The following RASSF5 variants were observed in gnomAD, a reference collection of about 807,000 sequenced individuals.
The protein encoded by RASSF5 is ras association domain-containing protein 5.
Under a neutral mutation model 40.5 loss-of-function variants are expected in RASSF5, and 25 were observed. The observed-to-expected ratio is 0.62, with a 90% confidence interval of 0.45 to 0.86. The LOEUF (loss-of-function observed/expected upper bound fraction) is 0.86, where lower values mean the gene tolerates loss of function less well. Among genes scored for constraint, RASSF5 ranks in the 40% least tolerant of loss-of-function variants. The pLI is 0.00. For synonymous variants in RASSF5, 246 were observed against 252.4 expected (o/e 0.97, Z 0.24); for missense variants, 521 against 572.8 (o/e 0.91, Z 0.92).
rs1572292231 is a variant in RASSF5 at position 206,518,202 on chromosome 1, T to G, written c.457+10143T>G. On this transcript the variant is annotated intron_variant, in intron 1 of 5. Transcript: ENST00000579436. ...ATAGAAAGTTTTCCACTGGGGGAGG[T>G]GGAGGGGAAAGGACCTCAGTGCGGA... Among the ~76,000 whole-genome samples, 4 of 151,400 alleles carry G rather than the reference T, an allele frequency of 2.6e-5. No individual in the cohort carries two copies. In the East Asian group the frequency reaches 7.8e-4, roughly 29 times the overall value.
At chr1:206,564,752 G>A (rs1553403141) in intron 2 of RASSF5, among the ~76,000 whole-genome samples, 1 of 152,188 alleles carries the variant, frequency 6.6e-6, no homozygotes, top group African/African-American at 2.4e-5. Flanking sequence ...CTACCTCAAA[G>A]AGCATGGGGT....
chr1:206,514,701 G>T (rs986793051), intron 1 of RASSF5, among the ~76,000 whole-genome samples: 1 of 152,202 alleles, frequency 6.6e-6, no homozygotes, highest in Non-Finnish European at 1.5e-5. Flanking sequence ...AAAAAGAAGA[G>T]TGATGTTCTT....
chr1:206,525,330 C>G (rs1220313740), intron 1 of RASSF5, among the ~76,000 whole-genome samples: 2 of 152,200 alleles, frequency 1.3e-5, no homozygotes, highest in African/African-American at 4.8e-5. Flanking sequence ...GCACAGGGGA[C>G]ACATCCAGCC....
Position 206,584,771 on chromosome 1 carries a change from G to A in RASSF5, c.988+87G>A. On this transcript the variant is annotated intron_variant, in intron 4 of 5. Transcript: ENST00000579436. The surrounding 1 kb of genome is among the most constrained non-coding windows in gnomAD (Gnocchi z 4.9). The stretch of plus-strand genomic sequence containing the variant: ...CTAAAACTCCTGCCGGCCTTGGGTG[G>A]GAGCTGTGGGCTTCTCCTGAGCACC... 2 of 1,429,060 alleles carry A rather than the reference G, an allele frequency of 1.4e-6. No individual in the cohort carries two copies. Among genetic ancestry groups the A allele is most frequent in the Non-Finnish European group, 1.9e-6 (2 of 1,037,934 alleles). The allele number at this position is 1,429,060 out of a possible 1,614,324, so 88.5% of individuals were successfully genotyped here.
chr1:206,527,826 T>C (rs1157008997), intron 1 of RASSF5, among the ~76,000 whole-genome samples: 2 of 151,860 alleles, frequency 1.3e-5, no homozygotes, highest in East Asian at 3.9e-4. Flanking sequence ...CAGTGCAGAG[T>C]AGGGACCAGG....
At chr1:206,532,765 C>G (rs1431560866) in intron 1 of RASSF5, among the ~76,000 whole-genome samples, 1 of 152,156 alleles carries the variant, frequency 6.6e-6, no homozygotes, top group Admixed American at 6.5e-5. Flanking sequence ...CCCGCCTGGC[C>G]CTTACCCACA....
At chr1:206,586,065 C>T (rs530752502) in intron 5 of RASSF5, 1 of 152,380 alleles carries the variant, frequency 6.6e-6, no homozygotes, top group South Asian at 2.1e-4. Context: ...GAGACCTGGG[C>T]TCTAGTTCCA....
chr1:206,520,128 C>T (rs1340903175), intron 1 of RASSF5, among the ~76,000 whole-genome samples: 3 of 152,160 alleles, frequency 2.0e-5, no homozygotes, highest in Non-Finnish European at 4.4e-5. Context: ...GGGCACATAC[C>T]GCACTGTGGC....
In RASSF5 at chr1:206,586,944, A is replaced by C. The variant is rs372832789; in HGVS notation, c.1223A>C (p.Glu408Ala). Reference sequence around the variant, plus strand: ...GACAAGTTTAGGCAGAAACTGGAGGAGGCCTTAAGAGAATCCCAGGGCAAA... The same window carrying C: ...GACAAGTTTAGGCAGAAACTGGAGGCGGCCTTAAGAGAATCCCAGGGCAAA... ...KYDKFRQKLE[E>A]ALRESQGKPG The change falls in exon 6 of 6, where the codon GAG becomes GCG. Residue 408 changes from glutamate to alanine, a missense_variant. By Grantham distance (107) the Glu-to-Ala change is moderately radical. This residue lies in a region of RASSF5 where 284 missense variants were observed against 360.8 expected (regional missense o/e 0.79). Coordinates refer to ENST00000579436, the MANE Select transcript of RASSF5 (RefSeq NM_182663.4). 1 of 1,614,232 alleles carries C rather than the reference A, an allele frequency of 6.2e-7. No individual in the cohort carries two copies. The highest frequency in any genetic ancestry group is 8.5e-7 in the Non-Finnish European group (1 of 1,180,014).
In RASSF5 at chr1:206,507,909, G is replaced by T; in HGVS notation, c.307G>T (p.Val103Leu). The T allele has an allele frequency of 1.3e-6, 2 of 1,509,968 alleles. No homozygotes were observed. The highest frequency in any genetic ancestry group is 1.8e-6 in the Non-Finnish European group (2 of 1,136,846). 93.5% of individuals were successfully genotyped at this position (1,509,968 alleles called of 1,614,324 possible). Residue 103 changes from valine (V) to leucine (L), a missense_variant, in exon 1 of 6, where the codon GTG becomes TTG. Physicochemically the swap from Val to Leu is conservative, Grantham distance 32. Around this residue, in one of 2 missense-constraint regions of RASSF5, gnomAD observed 237 missense variants for 212.0 expected, o/e 1.12. Coordinates refer to ENST00000579436, the MANE Select transcript of RASSF5 (RefSeq NM_182663.4). ...RRPGAPRPRD[V>L]RSIFEQPQDP... Reference sequence around the variant, plus strand: ...GCCTGGAGCGCCCCGACCCCGCGACGTGCGGAGCATCTTCGAGCAGCCGCA... The same window carrying T: ...GCCTGGAGCGCCCCGACCCCGCGACTTGCGGAGCATCTTCGAGCAGCCGCA...
At chr1:206,532,456 A>C (rs1214713181) in intron 1 of RASSF5, among the ~76,000 whole-genome samples, 3 of 152,238 alleles carry the variant, frequency 2.0e-5, no homozygotes, top group African/African-American at 7.2e-5. Context: ...GGAGGCCTGG[A>C]GGACTTTCTT....
intron 2 of RASSF5, among the ~76,000 whole-genome samples, chr1:206,559,703 G>A (rs1668084658): frequency 6.6e-6 from 1 of 152,330 alleles, no homozygotes; most frequent in South Asian, 2.1e-4. Context: ...CTGAACCCCA[G>A]AGAGGGTGAT....
At chr1:206,553,255 G>T (rs114818636) in intron 2 of RASSF5, among the ~76,000 whole-genome samples, 1 of 152,040 alleles carries the variant, frequency 6.6e-6, no homozygotes, top group South Asian at 2.1e-4. Flanking sequence ...GTGAAAGAAA[G>T]AATAAGCAAG....
chr1:206,581,680 A>G (rs2103567190), intron 2 of RASSF5, among the ~76,000 whole-genome samples: 1 of 152,088 alleles, frequency 6.6e-6, no homozygotes, highest in Middle Eastern at 3.4e-3. Context: ...AAGGAAAGAA[A>G]GAAAGGAGGA....
At chr1:206,542,875 T>G (rs187547456) in intron 2 of RASSF5, 43 of 152,370 alleles carry the variant, frequency 2.8e-4, no homozygotes, top group African/African-American at 8.7e-4. Flanking sequence ...TCTTTTAATA[T>G]GTGTCTAAGG....
intron 1 of RASSF5, among the ~76,000 whole-genome samples, chr1:206,526,780 T>C (rs533272218): frequency 4.8e-4 from 73 of 152,108 alleles, no homozygotes; most frequent in Non-Finnish European, 8.8e-4. Flanking sequence ...CCCTAATACG[T>C]TAGAAGAGGA....
chr1:206,524,674 T>C (rs983693297), intron 1 of RASSF5, among the ~76,000 whole-genome samples: 5 of 137,746 alleles, frequency 3.6e-5, no homozygotes, highest in East Asian at 2.0e-4. Flanking sequence ...ATATATTATA[T>C]ATAATATATA....
At chr1:206,522,513 A>G (rs1336312027) in intron 1 of RASSF5, among the ~76,000 whole-genome samples, 1 of 152,172 alleles carries the variant, frequency 6.6e-6, no homozygotes, top group African/African-American at 2.4e-5. Context: ...CTGAGGAATG[A>G]GGTCCATTTG....
At chr1:206,550,149 C>T (rs550180178) in intron 2 of RASSF5, among the ~76,000 whole-genome samples, 1 of 152,236 alleles carries the variant, frequency 6.6e-6, no homozygotes, top group South Asian at 2.1e-4. Flanking sequence ...GGGATCAACT[C>T]ATTTGTTTCC....
Sources: allele counts gnomAD v4.1 joint callset (sites outside exome capture counted in the v4.1 genomes callset), GRCh38; gene constraint gnomAD v4.1.1; regional missense constraint gnomAD v4.1.1; non-coding constraint Gnocchi (gnomAD v3.1); transcripts MANE v1.5; gene names NCBI Gene and HGNC (gene_info 2026-07-23, HGNC 2026-07-21).